OPCML: variants seen among roughly 807,000 people sequenced by gnomAD.
OPCML encodes opioid-binding protein/cell adhesion molecule.
A neutral mutation model predicts 37.8 loss-of-function variants in OPCML; 13 were observed. The ratio of observed to expected loss-of-function variants is 0.34; its 90% CI spans 0.22 to 0.55. The LOEUF (loss-of-function observed/expected upper bound fraction) is 0.55, where lower values mean the gene tolerates loss of function less well. OPCML is among the 20% of genes least tolerant of loss of function. OPCML has a pLI of 0.91. For synonymous variants in OPCML, 176 were observed against 168.8 expected (o/e 1.04, Z -0.33); for missense variants, 341 against 435.6 (o/e 0.78, Z 1.93).
At chr11:133,356,649 A>C (rs2136705770) in intron 1 of OPCML, among the ~76,000 whole-genome samples, 1 of 152,298 alleles carries the variant, frequency 6.6e-6, no homozygotes, top group East Asian at 1.9e-4. Flanking sequence ...CCCATCTAGC[A>C]ATCACCTATA....
chr11:133,022,252 T>C (rs1324633380), intron 1 of OPCML, among the ~76,000 whole-genome samples: 1 of 152,186 alleles, frequency 6.6e-6, no homozygotes. Context: ...AAATAACCTA[T>C]GAGTCCCGAT....
At chr11:132,815,103 C>T (rs1158384220) in intron 2 of OPCML, among the ~76,000 whole-genome samples, 1 of 152,126 alleles carries the variant, frequency 6.6e-6, no homozygotes, top group Non-Finnish European at 1.5e-5. Context: ...AGCCTTTGCC[C>T]CACATGGACT....
chr11:132,891,370 C>T (rs984486785), intron 2 of OPCML, among the ~76,000 whole-genome samples: 1 of 152,118 alleles, frequency 6.6e-6, no homozygotes, highest in African/African-American at 2.4e-5. Context: ...CCTTTTCAAC[C>T]TTTCTTGCCC....
chr11:133,265,134 A>G (rs1457959028), intron 1 of OPCML, among the ~76,000 whole-genome samples: 1 of 152,116 alleles, frequency 6.6e-6, no homozygotes, highest in Non-Finnish European at 1.5e-5. Flanking sequence ...GCTGCCAGAG[A>G]GGAGTGGAGA....
intron 4 of OPCML, among the ~76,000 whole-genome samples, chr11:132,502,161 C>G (rs11223093): frequency 0.19 from 28,598 of 152,170 alleles, 2,798 homozygotes; most frequent in Non-Finnish European, 0.2. Context: ...CCACCACCCT[C>G]TGCTCTGCTG....
At chr11:132,699,610 A>G (rs1039970914) in intron 2 of OPCML, among the ~76,000 whole-genome samples, 2 of 152,006 alleles carry the variant, frequency 1.3e-5, no homozygotes, top group African/African-American at 4.8e-5. Flanking sequence ...CGATCATATA[A>G]CTTCTATCTT....
At chr11:133,121,098 T>C (rs111566130) in intron 1 of OPCML, among the ~76,000 whole-genome samples, 2,208 of 152,208 alleles carry the variant, frequency 0.015, 52 homozygotes, top group African/African-American at 0.05. Flanking sequence ...AATTTTTATA[T>C]TTTTACTAGA....
intron 2 of OPCML, among the ~76,000 whole-genome samples, chr11:132,788,361 G>A (rs768878924): frequency 9.9e-5 from 15 of 151,912 alleles, no homozygotes; most frequent in Admixed American, 5.2e-4. Context: ...CCAATCCACC[G>A]CTAACTCCAT....
At chr11:132,930,598 A>T (rs547453015) in intron 2 of OPCML, among the ~76,000 whole-genome samples, 22 of 152,296 alleles carry the variant, frequency 1.4e-4, no homozygotes, top group South Asian at 2.1e-4. Flanking sequence ...CATAAAAAAA[A>T]TTTTATTTCC....
At chr11:133,145,663 G>C (rs1427990764) in intron 1 of OPCML, among the ~76,000 whole-genome samples, 21 of 152,218 alleles carry the variant, frequency 1.4e-4, no homozygotes, top group Admixed American at 1.4e-3. Context: ...CAGTACATAA[G>C]GCACATTGGA....
chr11:132,893,726 G>C (rs898169338), intron 2 of OPCML, among the ~76,000 whole-genome samples: 2 of 152,214 alleles, frequency 1.3e-5, no homozygotes, highest in Non-Finnish European at 2.9e-5. Flanking sequence ...CTGGCACCTT[G>C]CTTTGCAATA....
chr11:133,308,939 T>C (rs984158685), intron 1 of OPCML, among the ~76,000 whole-genome samples: 4 of 152,128 alleles, frequency 2.6e-5, no homozygotes, highest in Admixed American at 2.6e-4. Context: ...TAAAATAACA[T>C]CCATGAGTTC....
chr11:133,369,171 G>A (rs1203681486), intron 1 of OPCML, among the ~76,000 whole-genome samples: 1 of 152,056 alleles, frequency 6.6e-6, no homozygotes. Flanking sequence ...GAAAAACATG[G>A]GCCCTGGCTT....
At chr11:132,815,869 A>G (rs184773966) in intron 2 of OPCML, among the ~76,000 whole-genome samples, 2 of 152,380 alleles carry the variant, frequency 1.3e-5, no homozygotes, top group Non-Finnish European at 2.9e-5. Context: ...TGCAACAGAC[A>G]CAGATAGAGA....
chr11:133,128,378 T>A (rs1446129852), intron 1 of OPCML, among the ~76,000 whole-genome samples: 1 of 152,150 alleles, frequency 6.6e-6, no homozygotes, highest in South Asian at 2.1e-4. Context: ...CCCTTCCATT[T>A]CGAATGTAAA....
intron 1 of OPCML, among the ~76,000 whole-genome samples, chr11:133,446,307 A>C (rs1591509574): frequency 6.6e-6 from 1 of 152,332 alleles, no homozygotes; most frequent in East Asian, 1.9e-4. Flanking sequence ...TTTCTGTTGG[A>C]CAAAAGTTAG....
intron 2 of OPCML, among the ~76,000 whole-genome samples, chr11:132,698,034 G>A (rs1206138282): frequency 6.9e-6 from 1 of 144,336 alleles, no homozygotes; most frequent in Non-Finnish European, 1.5e-5. Context: ...TTATTGTAGA[G>A]ATGGGATCTC....
chr11:133,420,973 G>A (rs1945874157), intron 1 of OPCML: 1 of 985,152 alleles, frequency 1.0e-6, no homozygotes, highest in African/African-American at 1.7e-5. Context: ...GTGGGTGCAT[G>A]GCTGGGAAAA....
chr11:132,578,121 T>C (rs769798873), intron 3 of OPCML, among the ~76,000 whole-genome samples: 20 of 152,202 alleles, frequency 1.3e-4, no homozygotes, highest in Non-Finnish European at 2.9e-5. Flanking sequence ...TGAATGCCCC[T>C]TCAGGTTGAA....
Sources: allele counts gnomAD v4.1 joint callset (sites outside exome capture counted in the v4.1 genomes callset), GRCh38; gene constraint gnomAD v4.1.1; transcripts MANE v1.5; gene names NCBI Gene and HGNC (gene_info 2026-07-23, HGNC 2026-07-21).